The following CSNK1G1 variants were observed in gnomAD, a reference collection of about 807,000 sequenced individuals.
The protein encoded by CSNK1G1 is casein kinase I isoform gamma-1.
CSNK1G1 carries 22 observed loss-of-function variants against 59.6 expected under a neutral mutation model. The ratio of observed to expected loss-of-function variants is 0.37; its 90% CI spans 0.26 to 0.53. The LOEUF is 0.53. Among genes scored for constraint, CSNK1G1 ranks in the 20% least tolerant of loss-of-function variants. The probability of loss-of-function intolerance (pLI) is 0.89; values close to 1 mark genes in which losing one functional copy is unlikely to be tolerated. For missense variants in CSNK1G1, 384 were observed against 519.5 expected, an observed-to-expected ratio of 0.74 and a Z score of 2.54; for synonymous variants, 179 against 177.1, an observed-to-expected ratio of 1.01 and a Z score of -0.08.
Position 64,216,490 on chromosome 15 carries a change from T to C in CSNK1G1, c.444+72A>G. 4.1e-6 allele frequency: 6 copies of C among 1,461,226 alleles called. No individual in the cohort carries two copies. Among genetic ancestry groups the C allele is most frequent in the Non-Finnish European group, 5.7e-6 (6 of 1,055,034 alleles). The allele number at this position is 1,461,226 out of a possible 1,614,324, so 90.5% of individuals were successfully genotyped here. ...TTGATGTGTTGCTACGGCTAGTAAA[T>C]CACCAAAAGGCCCACAAGGATGTGG... On this transcript the variant is annotated intron_variant, in intron 5 of 11. Transcript: ENST00000303052. This position sits in a 1 kb window ranked among gnomAD's most constrained non-coding sequence, Gnocchi z 4.6.
At chr15:64,265,724 A>G (rs1047374551) in intron 2 of CSNK1G1, 2 of 450,008 alleles carry the variant, frequency 4.4e-6, no homozygotes, top group Non-Finnish European at 8.9e-6. Context: ...CTACAAGGGA[A>G]ACTATAAAAT....
At position 64,188,332 on chromosome 15, in the gene CSNK1G1, C is replaced by G. The variant is rs2081925211; in HGVS notation, c.1108-7878G>C. The G allele has an allele frequency of 6.9e-7, 1 of 1,439,736 alleles. No homozygotes were observed. The highest frequency in any genetic ancestry group is 9.4e-7 in the Non-Finnish European group (1 of 1,064,772). 89.2% of individuals were successfully genotyped at this position (1,439,736 alleles called of 1,614,324 possible). ...AGAAGCAAGCCAACATTCCACCAGCCAAGCTGGAAAGGCCAGGAAAAGGCA... is the reference window on the plus strand; with the variant it reads ...AGAAGCAAGCCAACATTCCACCAGCGAAGCTGGAAAGGCCAGGAAAAGGCA... On this transcript the variant is annotated intron_variant, in intron 10 of 11. Coordinates refer to ENST00000303052, the MANE Select transcript of CSNK1G1 (RefSeq NM_022048.5). The surrounding 1 kb of genome is among the most constrained non-coding windows in gnomAD (Gnocchi z 4.2).
chr15:64,306,704 T>C (rs1017066716), intron 1 of CSNK1G1, among the ~76,000 whole-genome samples: 1 of 152,168 alleles, frequency 6.6e-6, no homozygotes, highest in East Asian at 1.9e-4. Context: ...GCTTCATTTG[T>C]AGTTGTCAAA....
chr15:64,296,603 G>A (rs192572183), intron 2 of CSNK1G1, among the ~76,000 whole-genome samples: 2 of 152,226 alleles, frequency 1.3e-5, no homozygotes, highest in Non-Finnish European at 2.9e-5. Flanking sequence ...AGTGGCTCAC[G>A]CCTGTAATCC....
At chr15:64,239,235 T>C (rs913641159) in intron 4 of CSNK1G1, among the ~76,000 whole-genome samples, 3 of 152,080 alleles carry the variant, frequency 2.0e-5, no homozygotes, top group Non-Finnish European at 2.9e-5. Flanking sequence ...TACAGAAACA[T>C]GAAAAAGCAA....
intron 2 of CSNK1G1, among the ~76,000 whole-genome samples, chr15:64,295,865 A>G (rs558417297): frequency 4.2e-4 from 64 of 152,270 alleles, no homozygotes; most frequent in African/African-American, 1.5e-3. Flanking sequence ...ATATGCAAAC[A>G]CTTCACAATT....
At chr15:64,307,229 G>T (rs549733434) in intron 1 of CSNK1G1, among the ~76,000 whole-genome samples, 1 of 152,000 alleles carries the variant, frequency 6.6e-6, no homozygotes, top group African/African-American at 2.4e-5. Context: ...AGGGGAAAAC[G>T]GGGGTGGAGG....
At chr15:64,239,521 G>A (rs2082666342) in intron 4 of CSNK1G1, among the ~76,000 whole-genome samples, 1 of 152,012 alleles carries the variant, frequency 6.6e-6, no homozygotes, top group African/African-American at 2.4e-5. Context: ...GACTATAGGT[G>A]CGTACCACCA....
At chr15:64,257,150 G>T (rs1040397984) in intron 3 of CSNK1G1, among the ~76,000 whole-genome samples, 1 of 151,572 alleles carries the variant, frequency 6.6e-6, no homozygotes, top group Non-Finnish European at 1.5e-5. Flanking sequence ...ATACTAGATT[G>T]TAAGAGTTCC....
chr15:64,259,112 G>T, intron 3 of CSNK1G1, 89 bp downstream of exon 3: 3 of 1,108,582 alleles, frequency 2.7e-6, no homozygotes, highest in Non-Finnish European at 3.9e-6. Context: ...TAGCAGTTTT[G>T]CGAATGAATG....
chr15:64,268,472 G>A (rs1381075843), intron 2 of CSNK1G1, among the ~76,000 whole-genome samples: 2 of 152,050 alleles, frequency 1.3e-5, no homozygotes, highest in Non-Finnish European at 2.9e-5. Flanking sequence ...TAACACTGAT[G>A]AGAAAAAAAA....
chr15:64,238,615 T>C (rs1253476411), intron 4 of CSNK1G1, among the ~76,000 whole-genome samples: 2 of 149,012 alleles, frequency 1.3e-5, no homozygotes, highest in African/African-American at 2.5e-5. Flanking sequence ...GAAGTTCCTG[T>C]GCTCAAAAAT....
chr15:64,278,395 T>C (rs1368297346), intron 2 of CSNK1G1, among the ~76,000 whole-genome samples: 3 of 127,948 alleles, frequency 2.3e-5, no homozygotes, highest in African/African-American at 9.9e-5. Context: ...TGTGTGTGTG[T>C]GTGTGTGTGT....
intron 1 of CSNK1G1, among the ~76,000 whole-genome samples, chr15:64,346,418 G>A (rs1049831998): frequency 5.0e-5 from 7 of 139,256 alleles, no homozygotes; most frequent in East Asian, 2.0e-4. Context: ...GTTTGGAAAC[G>A]AGTTTTTATT....
At position 64,300,338 on chromosome 15, in the gene CSNK1G1, G is replaced by A. The variant is rs766075280; in HGVS notation, c.162C>T (p.Asn54=). ...FRVGKKIGCG[N]FGELRLGKNL... is the part of the protein sequence containing the mutation. ...GCTTACCTAATCTGAGCTCTCCGAA[G>A]TTCCCACATCCTATCTTCTTGCCAA... The change falls in exon 2 of 12, where the codon AAC becomes AAT. Residue 54 remains asparagine, a synonymous_variant. Transcript: ENST00000303052. The A allele has an allele frequency of 1.5e-5, 25 of 1,614,048 alleles. No individual in the cohort carries two copies. Among genetic ancestry groups the A allele is most frequent in the Middle Eastern group, 1.6e-4 (1 of 6,084 alleles).
At position 64,216,705 on chromosome 15, in the gene CSNK1G1, G is replaced by T. The variant is rs568758900; in HGVS notation, c.301C>A (p.Leu101Ile). The T allele has an allele frequency of 6.2e-6, 10 of 1,613,940 alleles. No individual in the cohort carries two copies. The highest frequency in any genetic ancestry group is 8.5e-6 in the Non-Finnish European group (10 of 1,179,872). The change falls in exon 5 of 12, where the codon CTC becomes ATC. Residue 101 changes from leucine to isoleucine, a missense_variant. Around this residue, in one of 3 missense-constraint regions of CSNK1G1, gnomAD observed 325 missense variants for 440.9 expected, o/e 0.74. Coordinates refer to ENST00000303052, the MANE Select transcript of CSNK1G1 (RefSeq NM_022048.5). The surrounding 1 kb of genome is among the most constrained non-coding windows in gnomAD (Gnocchi z 4.6). ...YKQLGSAGEGLPQVYYFGPCG... is the reference protein window; with the variant it reads ...YKQLGSAGEGIPQVYYFGPCG... ...GGTCCAAAGTAATACACCTGTGGGAGACCTTCACCTGAAAGCAGAGGGGAA... is the reference window on the plus strand; with the variant it reads ...GGTCCAAAGTAATACACCTGTGGGATACCTTCACCTGAAAGCAGAGGGGAA...
At chr15:64,300,867 T>A in intron 1 of CSNK1G1, 144 bp from the exon 2 acceptor site, 1 of 429,642 alleles carries the variant, frequency 2.3e-6, no homozygotes, top group Non-Finnish European at 3.9e-6. Context: ...TATCCTCCAA[T>A]AGTTTAACCA....
intron 2 of CSNK1G1, among the ~76,000 whole-genome samples, chr15:64,276,064 G>C (rs1893595933): frequency 6.6e-6 from 1 of 152,156 alleles, no homozygotes; most frequent in African/African-American, 2.4e-5. Context: ...TCTAACATCT[G>C]AAAGTCTAAA....
rs36192246 is a variant in CSNK1G1, at chr15:64,206,586, CAAAAAAAAAAAA to C, written c.765+911_765+922del. On this transcript the variant is annotated intron_variant, in intron 7 of 11. Coordinates refer to ENST00000303052, the MANE Select transcript of CSNK1G1 (RefSeq NM_022048.5). ...TGGGAAACAGAGTGAAACTCTGTCTCAAAAAAAAAAAAAAAAAAAAAAAAAAAAAAAGTCTCA... is the reference window on the plus strand; with the variant it reads ...TGGGAAACAGAGTGAAACTCTGTCTCAAAAAAAAAAAAAAAAAAAGTCTCA... 8.0e-5 allele frequency among the ~76,000 whole-genome samples: 4 copies of C among 49,706 alleles called. No individual in the cohort carries two copies. In the East Asian group the frequency reaches 2.3e-3, roughly 29 times the overall value. 32.6% of individuals were successfully genotyped at this position (49,706 alleles called of 152,430 possible).
Sources: gnomAD v4.1 joint callset for allele counts (sites outside exome capture counted in the v4.1 genomes callset) on GRCh38, gnomAD v4.1.1 for gene constraint, gnomAD v4.1.1 regional missense constraint, Gnocchi (gnomAD v3.1) non-coding constraint, MANE v1.5 for transcripts, NCBI Gene and HGNC (gene_info 2026-07-23, HGNC 2026-07-21) for gene names.